The following GPHN variants were observed in gnomAD, a reference collection of about 807,000 sequenced individuals.
The protein encoded by GPHN is gephyrin.
GPHN carries 17 observed loss-of-function variants against 95.5 expected under a neutral mutation model. That is an observed-to-expected ratio of 0.18 (90% CI 0.12 to 0.27). GPHN has a LOEUF of 0.27. Ranked by LOEUF, GPHN falls within the 10% of genes least tolerant of loss-of-function variation. GPHN has a pLI of 1.00. For synonymous variants in GPHN, 320 were observed against 322.5 expected (o/e 0.99, Z 0.08); for missense variants, 660 against 978.1 (o/e 0.67, Z 4.34).
the GPHN span, among the ~76,000 whole-genome samples, chr14:67,439,620 T>C: frequency 6.7e-6 from 1 of 149,306 alleles, no homozygotes; most frequent in Non-Finnish European, 1.5e-5. Flanking sequence ...TCAGAATTAC[T>C]CACAAAAGTT....
chr14:67,251,975 T>C, the GPHN span, among the ~76,000 whole-genome samples: 1 of 152,166 alleles, frequency 6.6e-6, no homozygotes, highest in Non-Finnish European at 1.5e-5. Flanking sequence ...TGACAGTGTT[T>C]GGAGAGATTC....
the GPHN span, among the ~76,000 whole-genome samples, chr14:67,723,571 C>T: frequency 6.6e-6 from 1 of 152,158 alleles, no homozygotes; most frequent in Non-Finnish European, 1.5e-5. Flanking sequence ...TTAAATGGAC[C>T]TACCAAGGAC....
In GPHN at chr14:66,670,579, G is replaced by C. The variant is rs80164418; in HGVS notation, c.65-10528G>C. Among the ~76,000 whole-genome samples the C allele has an allele frequency of 1.2e-4, 18 of 152,210 alleles. No individual in the cohort carries two copies. The East Asian group carries it at 2.9e-3, about 25-fold the overall frequency. On this transcript the variant is annotated intron_variant, in intron 1 of 22. Transcript: ENST00000478722. ...AGGCCGAGGTGGGTGGATTGCTTGA[G>C]CTTAGAAGTTCAAACCAGCCTGAGC...
chr14:66,527,562 G>T (rs766137237), intron 1 of GPHN, among the ~76,000 whole-genome samples: 7 of 152,006 alleles, frequency 4.6e-5, no homozygotes, highest in Non-Finnish European at 1.0e-4. Flanking sequence ...TGATGTTAGG[G>T]TATCGATTTT....
At chr14:67,242,294 T>C in the GPHN span, among the ~76,000 whole-genome samples, 1 of 152,230 alleles carries the variant, frequency 6.6e-6, no homozygotes, top group Admixed American at 6.5e-5. Context: ...TAAAATCTGA[T>C]GGCTAGGAAG....
At chr14:66,606,541 A>G (rs1244202095) in intron 1 of GPHN, among the ~76,000 whole-genome samples, 1 of 152,230 alleles carries the variant, frequency 6.6e-6, no homozygotes, top group Non-Finnish European at 1.5e-5. Flanking sequence ...TAGAAATAGC[A>G]TTGAATTTAT....
the GPHN span, chr14:67,338,858 T>A: frequency 1.4e-5 from 15 of 1,082,034 alleles, no homozygotes; most frequent in Admixed American, 3.8e-4. Context: ...AATAAACACA[T>A]ACCTAGAAAA....
the GPHN span, among the ~76,000 whole-genome samples, chr14:67,552,801 G>A: frequency 6.6e-6 from 1 of 152,016 alleles, no homozygotes; most frequent in African/African-American, 2.4e-5. Flanking sequence ...GAAGGACTGG[G>A]AGGGTCGGCA....
intron 1 of GPHN, among the ~76,000 whole-genome samples, chr14:66,534,122 A>G (rs540302465): frequency 9.9e-5 from 15 of 152,246 alleles, no homozygotes; most frequent in East Asian, 7.7e-4. Flanking sequence ...TGTAGTAGCA[A>G]TTTTTAAATT....
At chr14:66,816,628 A>G (rs1456029861) in intron 3 of GPHN, among the ~76,000 whole-genome samples, 3 of 152,210 alleles carry the variant, frequency 2.0e-5, no homozygotes, top group Admixed American at 2.0e-4. Flanking sequence ...ACAACATACC[A>G]GAATCTCTGG....
At chr14:66,605,346 G>C (rs1303071635) in intron 1 of GPHN, among the ~76,000 whole-genome samples, 5 of 151,594 alleles carry the variant, frequency 3.3e-5, no homozygotes, top group Admixed American at 6.6e-5. Flanking sequence ...TTTCTCCCCA[G>C]GCTTGTCAGC....
At chr14:67,500,778 A>G in the GPHN span, among the ~76,000 whole-genome samples, 3 of 151,712 alleles carry the variant, frequency 2.0e-5, no homozygotes, top group African/African-American at 7.3e-5. Context: ...TCACCGTGTT[A>G]GCCAGGATGG....
the GPHN span, among the ~76,000 whole-genome samples, chr14:67,370,856 C>G: frequency 6.6e-6 from 1 of 151,830 alleles, no homozygotes; most frequent in South Asian, 2.1e-4. Context: ...GAAACCTCAT[C>G]TCTACAGAAA....
At chr14:67,603,022 T>C in the GPHN span, among the ~76,000 whole-genome samples, 7 of 152,026 alleles carry the variant, frequency 4.6e-5, no homozygotes, top group African/African-American at 1.7e-4. Flanking sequence ...ATACAAAAGG[T>C]ACCTGTACAG....
At chr14:67,520,068 GA>G in the GPHN span, among the ~76,000 whole-genome samples, 1 of 152,134 alleles carries the variant, frequency 6.6e-6, no homozygotes, top group Non-Finnish European at 1.5e-5. Context: ...GCAAAATTGA[GA>G]AGAAAGTACA....
Position 66,803,543 on chromosome 14 carries a change from C to T in GPHN, c.202-20931C>T, listed in dbSNP as rs114031408. Among the ~76,000 whole-genome samples the T allele has an allele frequency of 5.6e-3, 848 of 152,206 alleles. 3 individuals are homozygous for T. Among genetic ancestry groups the T allele is most frequent in the African/African-American group, 0.019 (807 of 41,530 alleles). On this transcript the variant is annotated intron_variant, in intron 3 of 22. Transcript: ENST00000478722. Reference sequence around the variant, plus strand: ...TCTCTTCAGTAATTGCCTTTTTATTCGTATCTTTCTTGAATTTGAGGAAAT... The same window carrying T: ...TCTCTTCAGTAATTGCCTTTTTATTTGTATCTTTCTTGAATTTGAGGAAAT...
At chr14:67,427,547 G>A in the GPHN span, among the ~76,000 whole-genome samples, 2 of 152,090 alleles carry the variant, frequency 1.3e-5, no homozygotes, top group Admixed American at 6.6e-5. Flanking sequence ...CCAGGTCGGC[G>A]GCCCAGGGCT....
At chr14:66,684,902 C>A (rs1038534186) in intron 2 of GPHN, among the ~76,000 whole-genome samples, 7 of 152,108 alleles carry the variant, frequency 4.6e-5, no homozygotes, top group Non-Finnish European at 8.8e-5. Flanking sequence ...CCTCCCCTCT[C>A]ACCCCACCCC....
At position 66,738,029 on chromosome 14, in the gene GPHN, A is replaced by G. The variant is rs1044585392; in HGVS notation, c.144-38435A>G. Among the ~76,000 whole-genome samples, 6 of 152,304 alleles carry G rather than the reference A, an allele frequency of 3.9e-5. No homozygotes were observed. In the East Asian group the frequency reaches 9.6e-4, roughly 24 times the overall value. ...TTAGAACTCTTTGGCTGCCCTCACC[A>G]TAGCCAAGTGACTCCTAATCCTCCA... On this transcript the variant is annotated intron_variant, in intron 2 of 22. Transcript: ENST00000478722.
Sources: allele counts gnomAD v4.1 joint callset (sites outside exome capture counted in the v4.1 genomes callset), GRCh38; gene constraint gnomAD v4.1.1; transcripts MANE v1.5; gene names NCBI Gene and HGNC (gene_info 2026-07-23, HGNC 2026-07-21).